ZBTB32: variants seen among roughly 807,000 people sequenced by gnomAD.
ZBTB32 encodes zinc finger and BTB domain containing 32, also known as zinc finger and BTB domain-containing protein 32.
ZBTB32 carries 28 observed loss-of-function variants against 45.3 expected under a neutral mutation model. That is an observed-to-expected ratio of 0.62 (90% CI 0.46 to 0.85). The LOEUF (loss-of-function observed/expected upper bound fraction) is 0.85, where lower values mean the gene tolerates loss of function less well. Ranked by LOEUF, ZBTB32 falls within the 40% of genes least tolerant of loss-of-function variation. The pLI is 0.00. For missense variants in ZBTB32, 587 were observed against 624.4 expected, an observed-to-expected ratio of 0.94 and a Z score of 0.64; for synonymous variants, 283 against 255.7, an observed-to-expected ratio of 1.11 and a Z score of -1.02.
In ZBTB32 at chr19:35,716,207, C is replaced by A. The variant is rs761538387; in HGVS notation, c.1099C>A (p.Pro367Thr). 5 of 1,613,974 alleles carry A rather than the reference C, an allele frequency of 3.1e-6. No individual in the cohort carries two copies. Among genetic ancestry groups the A allele is most frequent in the Non-Finnish European group, 3.4e-6 (4 of 1,179,980 alleles). The change falls in exon 6 of 7, where the codon CCT (proline) becomes ACT (threonine). Residue 367 changes from proline (P) to threonine (T), a missense_variant. Physicochemically the swap from Pro to Thr is conservative, Grantham distance 38. Coordinates refer to ENST00000392197, the MANE Select transcript of ZBTB32 (RefSeq NM_014383.3). The stretch of plus-strand genomic sequence containing the variant: ...TCGCCCGCACCCTCCCCCGGCCCCT[C>A]CTGCTCGGTCTCGGCCCTATGCGTG... ...PPRPHPPPAP[P>T]ARSRPYACSV... is the part of the protein sequence containing the mutation.
Position 35,716,718 on chromosome 19 carries a change from C to T in ZBTB32, c.1430C>T (p.Thr477Ile), listed in dbSNP as rs759102253. The change falls in exon 7 of 7, where the codon ACC becomes ATC. Residue 477 changes from threonine (T) to isoleucine (I), a missense_variant. Thr to Ile is a moderately conservative substitution (Grantham distance 89). Transcript: ENST00000392197. ...TCCTCGAGGCCGTCTCGGCCCTCGA[C>T]CTCTCCCTGTTGTCCTTCTTCCTCC... ...YSSSRPSRPS[T>I]SPCCPSSSTT 7 of 1,613,632 alleles carry T rather than the reference C, an allele frequency of 4.3e-6. No individual in the cohort carries two copies. Among genetic ancestry groups the T allele is most frequent in the African/African-American group, 1.3e-5 (1 of 75,074 alleles).
At chr19:35,709,326 G>A (rs1459790354) in intron 1 of ZBTB32, among the ~76,000 whole-genome samples, 1 of 151,972 alleles carries the variant, frequency 6.6e-6, no homozygotes, top group African/African-American at 2.4e-5. Flanking sequence ...TGAAATAGAG[G>A]GAGAACTTTT....
rs765637839 is a variant in ZBTB32 at position 35,714,792 on chromosome 19, C to T, written c.166C>T (p.Arg56Cys). The change falls in exon 3 of 7, where the codon CGC becomes TGC. Residue 56 changes from arginine to cysteine, a missense_variant. Arg to Cys is a radical substitution (Grantham distance 180). Coordinates refer to ENST00000392197, the MANE Select transcript of ZBTB32 (RefSeq NM_014383.3). The part of the protein sequence containing the change: ...VLAGVSQQLG[R>C]RGQWALGEGI... ...AGCAGGTGTCAGCCAGCAGCTGGGC[C>T]GCAGGGGCCAGTGGGCTCTGGGAGA... 1.4e-5 allele frequency: 22 copies of T among 1,614,150 alleles called. No homozygotes were observed. Among genetic ancestry groups the T allele is most frequent in the Non-Finnish European group, 1.8e-5 (21 of 1,180,004 alleles).
chr19:35,711,869 A>C (rs1364165735), intron 1 of ZBTB32, among the ~76,000 whole-genome samples: 1 of 151,888 alleles, frequency 6.6e-6, no homozygotes, highest in Non-Finnish European at 1.5e-5. Context: ...TACTAAAAGT[A>C]CAAAAATTAG....
intron 1 of ZBTB32, among the ~76,000 whole-genome samples, chr19:35,708,944 G>A (rs368733307): frequency 1.5e-4 from 22 of 151,552 alleles, no homozygotes; most frequent in East Asian, 1.2e-3. Flanking sequence ...TCAGCCTCTC[G>A]AGTAGCTGGA....
intron 1 of ZBTB32, among the ~76,000 whole-genome samples, chr19:35,709,378 T>C (rs536230431): frequency 4.9e-4 from 74 of 152,188 alleles, no homozygotes; most frequent in Admixed American, 3.9e-4. Context: ...TCTATTCTGA[T>C]GGTTTGATTT....
At chr19:35,716,362 C>T (rs993926752) in intron 6 of ZBTB32, 65 bp downstream of exon 6, 2 of 1,600,240 alleles carry the variant, frequency 1.2e-6, no homozygotes, top group Non-Finnish European at 1.7e-6. Flanking sequence ...GAGTCTCCAC[C>T]TGTGTGCCCG....
intron 1 of ZBTB32, among the ~76,000 whole-genome samples, chr19:35,710,688 G>C (rs952597994): frequency 6.6e-6 from 1 of 152,326 alleles, no homozygotes; most frequent in Non-Finnish European, 1.5e-5. Context: ...CAGAGGCAGA[G>C]GTTGCAGTGA....
intron 1 of ZBTB32, among the ~76,000 whole-genome samples, chr19:35,711,016 G>A (rs982324651): frequency 3.9e-5 from 6 of 152,196 alleles, no homozygotes; most frequent in African/African-American, 1.4e-4. Flanking sequence ...TGAAAGGGGA[G>A]TTCCCTTGCC....
chr19:35,705,921 AATT>A (rs1968528803), intron 1 of ZBTB32, among the ~76,000 whole-genome samples: 1 of 141,832 alleles, frequency 7.1e-6, no homozygotes, highest in Non-Finnish European at 1.5e-5. Context: ...AAAAAAAAAA[AATT>A]AATTAAAAAA....
Position 35,716,805 on chromosome 19 carries a change from G to C in ZBTB32, c.*53G>C. 6.4e-7 allele frequency: 1 copy of C among 1,556,650 alleles called. No individual in the cohort carries two copies. Among genetic ancestry groups the C allele is most frequent in the Non-Finnish European group, 8.7e-7 (1 of 1,147,722 alleles). On this transcript the variant is annotated 3_prime_UTR_variant, in exon 7 of 7. Coordinates refer to ENST00000392197, the MANE Select transcript of ZBTB32 (RefSeq NM_014383.3). ...AGTCCAATTAAAGAACGAAAAGCGGGCCGGCTCGGCTTCTGACCTGGCACC... is the reference window on the plus strand; with the variant it reads ...AGTCCAATTAAAGAACGAAAAGCGGCCCGGCTCGGCTTCTGACCTGGCACC...
In ZBTB32 at chr19:35,716,834, G is replaced by A. The variant is rs1170751821; in HGVS notation, c.*82G>A. On this transcript the variant is annotated 3_prime_UTR_variant, in exon 7 of 7. Coordinates refer to ENST00000392197, the MANE Select transcript of ZBTB32 (RefSeq NM_014383.3). ...GCTCGGCTTCTGACCTGGCACCGCT[G>A]CTACGGCGGCCTAGCAAATTCCGCC... 2 of 1,496,694 alleles carry A rather than the reference G, an allele frequency of 1.3e-6. No homozygotes were observed. Among genetic ancestry groups the A allele is most frequent in the African/African-American group, 2.8e-5 (2 of 72,200 alleles). The allele number at this position is 1,496,694 out of a possible 1,614,324, so 92.7% of individuals were successfully genotyped here. A position where few individuals can be genotyped will look rare whatever the true frequency, so the allele number is the denominator to read the frequency against.
At chr19:35,709,931 C>T (rs1202800130) in intron 1 of ZBTB32, among the ~76,000 whole-genome samples, 2 of 151,304 alleles carry the variant, frequency 1.3e-5, no homozygotes, top group East Asian at 3.9e-4. Context: ...AGTATTAGGC[C>T]GGGCATGTAG....
intron 1 of ZBTB32, among the ~76,000 whole-genome samples, chr19:35,707,232 T>C (rs963346875): frequency 3.3e-5 from 5 of 149,640 alleles, no homozygotes; most frequent in Non-Finnish European, 7.4e-5. Flanking sequence ...ATTAATGGTA[T>C]GCATGTATAT....
chr19:35,714,606 A>T lies in ZBTB32; in HGVS notation c.-21A>T. On this transcript the variant is annotated 5_prime_UTR_variant, in exon 3 of 7. Transcript: ENST00000392197. ...GACTTCCTCTTAGAGCCTCTGAGTT[A>T]GGTACCCAAGCCAAGGCACAATGTC... 3 of 1,503,032 alleles carry T rather than the reference A, an allele frequency of 2.0e-6. No individual in the cohort carries two copies. The highest frequency in any genetic ancestry group is 2.7e-6 in the Non-Finnish European group (3 of 1,121,832). 93.1% of individuals were successfully genotyped at this position (1,503,032 alleles called of 1,614,324 possible).
chr19:35,713,454 G>C (rs949607711), intron 2 of ZBTB32: 1 of 152,318 alleles, frequency 6.6e-6, no homozygotes, highest in African/African-American at 2.4e-5. Flanking sequence ...AGCTACAAGC[G>C]GTGAGTGATA....
chr19:35,716,154 G>T lies in ZBTB32; in HGVS notation c.1046G>T (p.Gly349Val). The T allele has an allele frequency of 4.3e-6, 7 of 1,613,904 alleles. No individual in the cohort carries two copies. The highest frequency in any genetic ancestry group is 5.9e-6 in the Non-Finnish European group (7 of 1,179,952). Reference sequence around the variant, plus strand: ...ACAGGCGCACTTGCAACCTGTGCGGGTCATGAGGACAAGGCAGGCTGCCCA... The same window carrying T: ...ACAGGCGCACTTGCAACCTGTGCGGTTCATGAGGACAAGGCAGGCTGCCCA... ...GHTGALATCA[G>V]HEDKAGCPPR... Residue 349 changes from glycine to valine, a missense_variant, in exon 6 of 7, where the codon GGT becomes GTT. Coordinates refer to ENST00000392197, the MANE Select transcript of ZBTB32 (RefSeq NM_014383.3).
chr19:35,716,744 A>G lies in ZBTB32; in HGVS notation c.1456A>G (p.Thr486Ala). ...CTCTCCCTGTTGTCCTTCTTCCTCC[A>G]CCACCTGACGGGGTGTCGGTAGCGT... ...STSPCCPSSS[T>A]T Residue 486 changes from threonine (T) to alanine (A), a missense_variant, in exon 7 of 7, where the codon ACC becomes GCC. Physicochemically the swap from Thr to Ala is moderately conservative, Grantham distance 58. Coordinates refer to ENST00000392197, the MANE Select transcript of ZBTB32 (RefSeq NM_014383.3). 3.7e-6 allele frequency: 6 copies of G among 1,602,060 alleles called. No homozygotes were observed. The highest frequency in any genetic ancestry group is 1.7e-4 in the Middle Eastern group (1 of 6,022).
Position 35,715,348 on chromosome 19 carries a change from C to G in ZBTB32, c.722C>G (p.Thr241Ser), listed in dbSNP as rs1407513059. 6.2e-7 allele frequency: 1 copy of G among 1,609,484 alleles called. No individual in the cohort carries two copies. Among genetic ancestry groups the G allele is most frequent in the East Asian group, 2.2e-5 (1 of 44,856 alleles). Residue 241 changes from threonine (T) to serine (S), a missense_variant, in exon 3 of 7, where the codon ACC (threonine) becomes AGC (serine). Physicochemically the swap from Thr to Ser is moderately conservative, Grantham distance 58. Transcript: ENST00000392197. ...CTTCCCCCAGCAGGCTCCCTGCAAA[C>G]CAGCGTCACCCCTAGGCCCTCGTGG... ...GPLPPAGSLQ[T>S]SVTPRPSWAE...
Sources: gnomAD v4.1 joint callset for allele counts (sites outside exome capture counted in the v4.1 genomes callset) on GRCh38, gnomAD v4.1.1 for gene constraint, MANE v1.5 for transcripts, NCBI Gene and HGNC (gene_info 2026-07-23, HGNC 2026-07-21) for gene names.